Variants in NOL4 observed in about 807,000 individuals in gnomAD.
NOL4 encodes the protein nucleolar protein 4.
In NOL4, 17 loss-of-function variants were observed where a neutral mutation model predicts 75.9. The ratio of observed to expected loss-of-function variants is 0.22; its 90% confidence interval spans 0.15 to 0.34. NOL4 has a LOEUF of 0.34. NOL4 is among the 10% of genes least tolerant of loss of function. The pLI is 1.00. For synonymous variants in NOL4, 292 were observed against 289.9 expected (o/e 1.01, Z -0.07); for missense variants, 614 against 793.5 (o/e 0.77, Z 2.72).
intron 6 of NOL4, among the ~76,000 whole-genome samples, chr18:33,998,152 G>T (rs540940344): frequency 2.0e-5 from 3 of 151,930 alleles, no homozygotes; most frequent in Non-Finnish European, 4.4e-5. Flanking sequence ...TAGTTAAGGG[G>T]TATAATGTTT....
chr18:34,106,267 CT>C (rs2079273436), intron 2 of NOL4, among the ~76,000 whole-genome samples: 1 of 152,008 alleles, frequency 6.6e-6, no homozygotes, highest in South Asian at 2.1e-4. Context: ...GTCAACTTTG[CT>C]TAGCCAGGCT....
chr18:34,022,314 G>T (rs1418761482), intron 5 of NOL4, among the ~76,000 whole-genome samples: 1 of 151,756 alleles, frequency 6.6e-6, no homozygotes, highest in East Asian at 1.9e-4. Flanking sequence ...ACCCATCAAA[G>T]AAAGAATTGA....
chr18:33,981,401 C>A (rs2071946661), intron 6 of NOL4, among the ~76,000 whole-genome samples: 3 of 151,274 alleles, frequency 2.0e-5, no homozygotes, highest in Admixed American at 2.0e-4. Context: ...AGTCAAACTA[C>A]AGAAAATTAA....
rs1600687545 is a variant in NOL4, at chr18:34,132,963, C to T, written c.265-2943G>A. Among the ~76,000 whole-genome samples the T allele has an allele frequency of 3.3e-5, 5 of 151,894 alleles. No individual in the cohort carries two copies. The South Asian group carries it at 1.0e-3, about 32-fold the overall frequency. On this transcript the variant is annotated intron_variant, in intron 1 of 10. Coordinates refer to ENST00000261592, the MANE Select transcript of NOL4 (RefSeq NM_003787.5). ...ACAAGGAATCTTATAGCCAGAGAAACCTATCTTTCAAAAATTAAGGTGAAG... is the reference window on the plus strand; with the variant it reads ...ACAAGGAATCTTATAGCCAGAGAAATCTATCTTTCAAAAATTAAGGTGAAG...
chr18:33,893,727 G>A (rs939594743), intron 9 of NOL4, among the ~76,000 whole-genome samples: 1 of 151,954 alleles, frequency 6.6e-6, no homozygotes, highest in Non-Finnish European at 1.5e-5. Context: ...CCTTGTTTCT[G>A]TTTGCATTTT....
chr18:33,977,698 T>C (rs915366708), intron 6 of NOL4, among the ~76,000 whole-genome samples: 2 of 152,210 alleles, frequency 1.3e-5, no homozygotes, highest in Non-Finnish European at 2.9e-5. Flanking sequence ...GGTTTGATAT[T>C]TATTATGTTG....
chr18:34,083,784 T>G (rs1048551979), intron 5 of NOL4, among the ~76,000 whole-genome samples: 1 of 152,174 alleles, frequency 6.6e-6, no homozygotes, highest in African/African-American at 2.4e-5. Context: ...CATAGTAGAT[T>G]GTGGTTGTAG....
At chr18:33,909,278 G>A (rs1256754417) in intron 9 of NOL4, among the ~76,000 whole-genome samples, 2 of 152,018 alleles carry the variant, frequency 1.3e-5, no homozygotes, top group African/African-American at 4.8e-5. Flanking sequence ...TTCTCTAGGA[G>A]TCTTTTACTT....
intron 6 of NOL4, among the ~76,000 whole-genome samples, chr18:33,961,208 T>A (rs934138297): frequency 2.6e-5 from 4 of 152,128 alleles, no homozygotes; most frequent in Non-Finnish European, 5.9e-5. Flanking sequence ...TGTCCAGGTA[T>A]TTGGCTATCC....
chr18:34,042,458 A>G (rs1266684142), intron 5 of NOL4, among the ~76,000 whole-genome samples: 1 of 152,122 alleles, frequency 6.6e-6, no homozygotes, highest in Non-Finnish European at 1.5e-5. Context: ...TCAAATGTTG[A>G]CAAGTTGTCT....
At chr18:33,883,722 G>T (rs2064456365) in intron 9 of NOL4, among the ~76,000 whole-genome samples, 1 of 152,044 alleles carries the variant, frequency 6.6e-6, no homozygotes, top group Non-Finnish European at 1.5e-5. Context: ...AACATCTCTT[G>T]ACAGATAAAT....
intron 5 of NOL4, among the ~76,000 whole-genome samples, chr18:34,080,474 A>G (rs1000417226): frequency 2.0e-5 from 3 of 152,162 alleles, no homozygotes; most frequent in Non-Finnish European, 4.4e-5. Context: ...TCCGATGTTA[A>G]TAAGGCATAT....
At chr18:34,058,807 C>T (rs1023718638) in intron 5 of NOL4, among the ~76,000 whole-genome samples, 5 of 151,946 alleles carry the variant, frequency 3.3e-5, no homozygotes, top group African/African-American at 1.2e-4. Flanking sequence ...ATGGATCTAC[C>T]ATGTTAGGAA....
intron 10 of NOL4, among the ~76,000 whole-genome samples, chr18:33,863,024 A>T (rs1238900436): frequency 3.9e-5 from 6 of 152,354 alleles, no homozygotes; most frequent in Admixed American, 2.6e-4. Context: ...ACCAAGCCAA[A>T]TGTCCAACCA....
At chr18:33,882,991 G>A (rs1359869952) in intron 10 of NOL4, among the ~76,000 whole-genome samples, 1 of 152,006 alleles carries the variant, frequency 6.6e-6, no homozygotes, top group Non-Finnish European at 1.5e-5. Flanking sequence ...TCATTCATAG[G>A]TGGGAATTGA....
At chr18:34,153,500 A>T (rs910982964) in intron 1 of NOL4, among the ~76,000 whole-genome samples, 1 of 151,986 alleles carries the variant, frequency 6.6e-6, no homozygotes, top group Non-Finnish European at 1.5e-5. Context: ...TATTATTCCC[A>T]TTTCACAGGT....
intron 8 of NOL4, among the ~76,000 whole-genome samples, chr18:33,953,738 C>T (rs912130937): frequency 3.9e-5 from 6 of 152,052 alleles, no homozygotes; most frequent in African/African-American, 1.4e-4. Flanking sequence ...ATAATTATTG[C>T]CCTAGTGTCC....
At chr18:34,173,581 G>A (rs995660782) in intron 1 of NOL4, among the ~76,000 whole-genome samples, 5 of 152,012 alleles carry the variant, frequency 3.3e-5, no homozygotes, top group African/African-American at 1.2e-4. Flanking sequence ...AAAGTTATTT[G>A]ATATGAAAAT....
chr18:34,024,870 G>A (rs1421752099), intron 5 of NOL4, among the ~76,000 whole-genome samples: 1 of 152,190 alleles, frequency 6.6e-6, no homozygotes, highest in Non-Finnish European at 1.5e-5. Flanking sequence ...CACAATAAAG[G>A]CTAGAAATCT....
Sources: gnomAD v4.1 joint callset for allele counts (sites outside exome capture counted in the v4.1 genomes callset) on GRCh38, gnomAD v4.1.1 for gene constraint, MANE v1.5 for transcripts, NCBI Gene and HGNC (gene_info 2026-07-23, HGNC 2026-07-21) for gene names.